Variants in DACH2 observed in about 807,000 individuals in gnomAD.
DACH2 encodes the protein dachshund homolog 2.
DACH2 carries 17 observed loss-of-function variants against 35.8 expected under a neutral mutation model. The observed-to-expected ratio is 0.48, with a 90% CI of 0.33 to 0.71. DACH2 has a LOEUF of 0.71. Among genes scored for constraint, DACH2 ranks in the 30% least tolerant of loss-of-function variants. DACH2 has a pLI of 0.02. For missense variants in DACH2, 469 were observed against 472.7 expected, an observed-to-expected ratio of 0.99 and a Z score of 0.07; for synonymous variants, 195 against 177.3, an observed-to-expected ratio of 1.10 and a Z score of -0.79.
chrX:86,673,060 G>A (rs2040784399), intron 4 of DACH2, among the ~76,000 whole-genome samples: 1 of 111,613 alleles, frequency 9.0e-6, no homozygotes, highest in Middle Eastern at 4.7e-3. Context: ...TTTAGGCCAG[G>A]TGTGGTGGCT....
At chrX:86,727,815 A>G (rs1191929315) in intron 6 of DACH2, among the ~76,000 whole-genome samples, 3 of 111,893 alleles carry the variant, frequency 2.7e-5, no homozygotes, top group Non-Finnish European at 3.8e-5. Flanking sequence ...CTGCAGACCC[A>G]TGAGCCAATT....
At chrX:86,596,179 G>T (rs1167889964) in intron 3 of DACH2, among the ~76,000 whole-genome samples, 1 of 111,631 alleles carries the variant, frequency 9.0e-6, no homozygotes, top group Non-Finnish European at 1.9e-5. Context: ...GACATTTGCT[G>T]CTATAAACAT....
chrX:86,306,448 C>G (rs1026445785), intron 1 of DACH2, among the ~76,000 whole-genome samples: 1 of 111,829 alleles, frequency 8.9e-6, no homozygotes, highest in Non-Finnish European at 1.9e-5. Context: ...TTGAGGGATA[C>G]AGAGTATTAA....
At chrX:86,283,274 T>G (rs1322960056) in intron 1 of DACH2, among the ~76,000 whole-genome samples, 1 of 111,412 alleles carries the variant, frequency 9.0e-6, no homozygotes, top group Admixed American at 9.5e-5. Context: ...ACTTTTACAC[T>G]GTTGGTTGGA....
intron 1 of DACH2, among the ~76,000 whole-genome samples, chrX:86,201,266 A>G (rs1263628188): frequency 9.9e-6 from 1 of 100,552 alleles, no homozygotes. Flanking sequence ...GAAGGAAACA[A>G]CAGACACCAG....
chrX:86,338,550 T>TG (rs767247546), intron 1 of DACH2, among the ~76,000 whole-genome samples: 2 of 112,180 alleles, frequency 1.8e-5, no homozygotes, highest in African/African-American at 6.5e-5. Context: ...CCAGAATCTC[T>TG]GGGACACATT....
chrX:86,153,810 C>T (rs939307458), intron 1 of DACH2, among the ~76,000 whole-genome samples: 33 of 111,430 alleles, frequency 3.0e-4, no homozygotes, highest in Admixed American at 2.4e-3. Context: ...TAAATATACG[C>T]TTCTGAATAA....
chrX:86,656,590 A>C (rs1267000952), intron 4 of DACH2, among the ~76,000 whole-genome samples: 1 of 109,647 alleles, frequency 9.1e-6, no homozygotes, highest in Non-Finnish European at 1.9e-5. Flanking sequence ...CAGCTGATAA[A>C]GGAGATTGTC....
intron 7 of DACH2, among the ~76,000 whole-genome samples, chrX:86,745,267 C>G (rs984552196): frequency 2.7e-5 from 3 of 111,232 alleles, no homozygotes; most frequent in Non-Finnish European, 5.7e-5. Flanking sequence ...TGTCATATTT[C>G]TTTTTCAACT....
At chrX:86,430,645 C>A (rs2036970893) in intron 2 of DACH2, among the ~76,000 whole-genome samples, 1 of 112,126 alleles carries the variant, frequency 8.9e-6, no homozygotes, top group Admixed American at 9.5e-5. Context: ...AGGCCATTTC[C>A]TACAGCCAGT....
chrX:86,378,270 T>C (rs1014283773), intron 2 of DACH2, among the ~76,000 whole-genome samples: 1 of 110,262 alleles, frequency 9.1e-6, no homozygotes, highest in Non-Finnish European at 1.9e-5. Flanking sequence ...TTTTTACATT[T>C]ATTGCAATCA....
intron 7 of DACH2, among the ~76,000 whole-genome samples, chrX:86,744,778 T>G (rs1473053155): frequency 8.9e-6 from 1 of 111,809 alleles, no homozygotes; most frequent in Admixed American, 9.5e-5. Flanking sequence ...CAAATAAAGC[T>G]TTTGATTTTA....
intron 1 of DACH2, among the ~76,000 whole-genome samples, chrX:86,258,610 G>C (rs1027782097): frequency 9.0e-6 from 1 of 111,562 alleles, no homozygotes; most frequent in African/African-American, 3.3e-5. Flanking sequence ...AGAAACTCAC[G>C]TTAGAAATAT....
intron 3 of DACH2, among the ~76,000 whole-genome samples, chrX:86,592,345 G>A (rs1289359053): frequency 2.7e-5 from 3 of 111,458 alleles, no homozygotes; most frequent in Non-Finnish European, 3.8e-5. Flanking sequence ...CTATTTCTGG[G>A]CTCTCTAGTC....
At chrX:86,431,713 T>A (rs1278229514) in intron 2 of DACH2, among the ~76,000 whole-genome samples, 1 of 111,678 alleles carries the variant, frequency 9.0e-6, no homozygotes, top group Non-Finnish European at 1.9e-5. Flanking sequence ...ATTTGTACAG[T>A]CTCTTAAAAT....
chrX:86,418,380 T>A (rs1166219983), intron 2 of DACH2, among the ~76,000 whole-genome samples: 1 of 112,306 alleles, frequency 8.9e-6, no homozygotes, highest in East Asian at 2.8e-4. Flanking sequence ...ACCCTTTCCC[T>A]GCAGCAAACT....
intron 2 of DACH2, among the ~76,000 whole-genome samples, chrX:86,394,215 G>T (rs1281421865): frequency 1.8e-5 from 2 of 109,241 alleles, no homozygotes; most frequent in Non-Finnish European, 1.9e-5. Flanking sequence ...GTTCTATTAG[G>T]GTAAGACTCT....
At chrX:86,314,591 G>C (rs1327311986) in intron 1 of DACH2, among the ~76,000 whole-genome samples, 1 of 111,896 alleles carries the variant, frequency 8.9e-6, no homozygotes, top group Non-Finnish European at 1.9e-5. Context: ...AAAAATCTAG[G>C]CCTCTTATGC....
intron 1 of DACH2, among the ~76,000 whole-genome samples, chrX:86,308,130 C>T (rs1483952171): frequency 1.8e-5 from 2 of 112,137 alleles, no homozygotes; most frequent in South Asian, 3.7e-4. Context: ...ACCTGCTCAT[C>T]GCACCTGGGA....
Sources: allele counts gnomAD v4.1 joint callset (sites outside exome capture counted in the v4.1 genomes callset), GRCh38; gene constraint gnomAD v4.1.1; transcripts MANE v1.5; gene names NCBI Gene and HGNC (gene_info 2026-07-23, HGNC 2026-07-21).